Variants in ATP11A observed in about 807,000 individuals in gnomAD.
ATP11A encodes the protein ATPase phospholipid transporting 11A, also known as phospholipid-transporting ATPase IH.
In ATP11A, 81 loss-of-function variants were observed where a neutral mutation model predicts 154.4. The ratio of observed to expected loss-of-function variants is 0.52; its 90% CI spans 0.44 to 0.63. ATP11A has a LOEUF of 0.63. Ranked by LOEUF, ATP11A falls within the 30% of genes least tolerant of loss-of-function variation. ATP11A has a pLI of 0.00. For synonymous variants in ATP11A, 623 were observed against 585.9 expected (o/e 1.06, Z -0.91); for missense variants, 1,316 against 1,474.3 (o/e 0.89, Z 1.76).
chr13:112,857,986 C>CA lies in ATP11A; in HGVS notation c.2521+67dup. On this transcript the variant is annotated intron_variant, in intron 21 of 29. Transcript: ENST00000375645. ...GTCACCCCTTCGCTAGACAAAGGCC[C>CA]ATGGCAGCACGCAGGTGCATTCAGG... 3 of 1,581,666 alleles carry CA rather than the reference C, an allele frequency of 1.9e-6. No individual in the cohort carries two copies. In the Middle Eastern group the frequency reaches 5.1e-4, roughly 269 times the overall value.
At position 112,859,133 on chromosome 13, in the gene ATP11A, C is replaced by A; in HGVS notation, c.2668-260C>A. 1 of 491,038 alleles carries A rather than the reference C, an allele frequency of 2.0e-6. No individual in the cohort carries two copies. Among genetic ancestry groups the A allele is most frequent in the Non-Finnish European group, 3.7e-6 (1 of 267,908 alleles). 30.4% of individuals were successfully genotyped at this position (491,038 alleles called of 1,614,324 possible). A position where few individuals can be genotyped will look rare whatever the true frequency, so the allele number is the denominator to read the frequency against. On this transcript the variant is annotated intron_variant, in intron 22 of 29. Transcript: ENST00000375645. The surrounding 1 kb of genome is among the most constrained non-coding windows in gnomAD (Gnocchi z 4.3). The stretch of plus-strand genomic sequence containing the variant: ...CGATTCTTTCCCGTTTATACTGATA[C>A]CTGCATTGCCTTCTTGTTTCTCTTG...
intron 2 of ATP11A, among the ~76,000 whole-genome samples, chr13:112,788,900 T>C (rs2077743225): frequency 6.6e-6 from 1 of 151,824 alleles, no homozygotes; most frequent in Non-Finnish European, 1.5e-5. Flanking sequence ...TAGACCTATT[T>C]AATTCACACC....
chr13:112,808,999 G>A (rs538623560), intron 4 of ATP11A, among the ~76,000 whole-genome samples: 2 of 152,146 alleles, frequency 1.3e-5, no homozygotes, highest in Non-Finnish European at 2.9e-5. Flanking sequence ...TAGGCTTTTC[G>A]GGGATCCTGG....
At chr13:112,727,932 C>CA (rs1175546844) in intron 1 of ATP11A, among the ~76,000 whole-genome samples, 1 of 152,190 alleles carries the variant, frequency 6.6e-6, no homozygotes, top group Non-Finnish European at 1.5e-5. Context: ...ACTCAGAACT[C>CA]AGAGTGAATG....
At chr13:112,831,938 CA>C in intron 13 of ATP11A, among the ~76,000 whole-genome samples, 1 of 134,624 alleles carries the variant, frequency 7.4e-6, no homozygotes, top group African/African-American at 3.2e-5. Flanking sequence ...CACAGACACA[CA>C]TGCACACATG....
rs904792918 is a variant in ATP11A at position 112,807,325 on chromosome 13, C to T, written c.333+1032C>T. Among the ~76,000 whole-genome samples the T allele has an allele frequency of 7.9e-5, 12 of 152,226 alleles. No individual in the cohort carries two copies. The highest frequency in any genetic ancestry group is 1.3e-4 in the Non-Finnish European group (9 of 68,036). On this transcript the variant is annotated intron_variant, in intron 4 of 29. Coordinates refer to ENST00000375645, the MANE Select transcript of ATP11A (RefSeq NM_015205.3). This position sits in a 1 kb window ranked among gnomAD's most constrained non-coding sequence, Gnocchi z 4.5. ...CTGTGTGTCTTCACTAGGCCAGAGC[C>T]GGCCGTGCCTACCGGGATACGTGAA...
In ATP11A at chr13:112,883,467, G is replaced by A. The variant is rs972388024; in HGVS notation, c.*1601G>A. ...GCGCCACGCTGTGGAACGGGGCTCC[G>A]GCAAGTGAAACCCAGAGGGTGTTTC... On this transcript the variant is annotated 3_prime_UTR_variant, in exon 30 of 30. Coordinates refer to ENST00000375645, the MANE Select transcript of ATP11A (RefSeq NM_015205.3). 13 of 353,364 alleles carry A rather than the reference G, an allele frequency of 3.7e-5. No individual in the cohort carries two copies. Among genetic ancestry groups the A allele is most frequent in the Admixed American group, 3.3e-4 (7 of 21,236 alleles). The allele number at this position is 353,364 out of a possible 1,614,324, so 21.9% of individuals were successfully genotyped here. A position where few individuals can be genotyped will look rare whatever the true frequency, so the allele number is the denominator to read the frequency against.
intron 29 of ATP11A, 101 bp from the exon 30 acceptor site, chr13:112,881,775 G>C (rs2080891269): frequency 7.4e-7 from 1 of 1,357,932 alleles, no homozygotes; most frequent in Non-Finnish European, 9.8e-7. Flanking sequence ...CAGCCCCGTG[G>C]GTATCCCTGA....
chr13:112,708,453 T>C (rs1403696714), intron 1 of ATP11A, among the ~76,000 whole-genome samples: 2 of 152,250 alleles, frequency 1.3e-5, no homozygotes, highest in Non-Finnish European at 2.9e-5. Flanking sequence ...TTTACATCGT[T>C]AGACTCATTT....
intron 1 of ATP11A, among the ~76,000 whole-genome samples, chr13:112,718,030 T>C (rs1026640649): frequency 6.6e-6 from 1 of 152,164 alleles, no homozygotes; most frequent in Non-Finnish European, 1.5e-5. Flanking sequence ...GAGCCAAGAT[T>C]GCACCACTGC....
intron 19 of ATP11A, among the ~76,000 whole-genome samples, chr13:112,855,189 G>A (rs779507981): frequency 8.1e-4 from 124 of 152,214 alleles, no homozygotes; most frequent in Admixed American, 1.4e-3. Flanking sequence ...TTAGGGATTG[G>A]AGGGTTTTTT....
chr13:112,759,971 C>T (rs1382996387), intron 1 of ATP11A, among the ~76,000 whole-genome samples: 1 of 152,196 alleles, frequency 6.6e-6, no homozygotes, highest in Non-Finnish European at 1.5e-5. Flanking sequence ...TGAGCTAATT[C>T]CTGTCATCAT....
At chr13:112,726,987 T>C (rs1889954692) in intron 1 of ATP11A, among the ~76,000 whole-genome samples, 1 of 152,250 alleles carries the variant, frequency 6.6e-6, no homozygotes. Flanking sequence ...GCATAGCTTA[T>C]GCGAATTTCT....
chr13:112,810,870 G>A (rs2078474295), intron 5 of ATP11A, 144 bp downstream of exon 5: 1 of 702,574 alleles, frequency 1.4e-6, no homozygotes, highest in African/African-American at 1.8e-5. Flanking sequence ...GGAAGTCGGA[G>A]GCCACTCAGG....
chr13:112,806,073 C>T (rs1270106384), intron 3 of ATP11A, 140 bp from the exon 4 acceptor site: 8 of 600,174 alleles, frequency 1.3e-5, no homozygotes, highest in Admixed American at 5.9e-5. Flanking sequence ...TGCTATCTCC[C>T]GTGGTGGGCA....
At chr13:112,868,826 A>G (rs1459980158) in intron 25 of ATP11A, among the ~76,000 whole-genome samples, 1 of 152,206 alleles carries the variant, frequency 6.6e-6, no homozygotes, top group African/African-American at 2.4e-5. Context: ...CAGGCTGCAT[A>G]GGAAGCATCG....
rs2080529451 is a variant in ATP11A at position 112,871,802 on chromosome 13, T to C, written c.3057+2T>C. 1 of 1,613,926 alleles carries C rather than the reference T, an allele frequency of 6.2e-7. No homozygotes were observed. Among genetic ancestry groups the C allele is most frequent in the East Asian group, 2.2e-5 (1 of 44,884 alleles). ...ATGGTGTTCACAGTTACACTAAAGGTAAGTGGTCTCGCGCTCACGTTCCTC... is the reference window on the plus strand; with the variant it reads ...ATGGTGTTCACAGTTACACTAAAGGCAAGTGGTCTCGCGCTCACGTTCCTC... On this transcript the variant is annotated splice_donor_variant, in intron 26 of 29. Transcript: ENST00000375645. LOFTEE classifies it high-confidence loss of function.
rs188513571 is a variant in ATP11A, at chr13:112,800,536, G to C, written c.163-4421G>C. Among the ~76,000 whole-genome samples, 8 of 150,782 alleles carry C rather than the reference G, an allele frequency of 5.3e-5. No homozygotes were observed. In the East Asian group the frequency reaches 1.6e-3, roughly 29 times the overall value. ...TCCAAAACGGAAAGCACAAGACTCA[G>C]ATGTTTTCACTGGTGAATTCTACCA... On this transcript the variant is annotated intron_variant, in intron 2 of 29. Transcript: ENST00000375645.
intron 13 of ATP11A, among the ~76,000 whole-genome samples, chr13:112,832,372 C>A (rs2079118495): frequency 6.6e-6 from 1 of 152,218 alleles, no homozygotes; most frequent in Non-Finnish European, 1.5e-5. Flanking sequence ...TAAGGGGTTT[C>A]AGGGTGAATG....
Sources: gnomAD v4.1 joint callset for allele counts (sites outside exome capture counted in the v4.1 genomes callset) on GRCh38, gnomAD v4.1.1 for gene constraint, Gnocchi (gnomAD v3.1) non-coding constraint, MANE v1.5 for transcripts, NCBI Gene and HGNC (gene_info 2026-07-23, HGNC 2026-07-21) for gene names.